The following RPS6KC1 variants were observed in gnomAD, a reference collection of about 807,000 sequenced individuals.
RPS6KC1 encodes the protein ribosomal protein S6 kinase C1.
A neutral mutation model predicts 103.8 loss-of-function variants in RPS6KC1; 54 were observed. That is an observed-to-expected ratio of 0.52 (90% confidence interval 0.42 to 0.65). RPS6KC1 has a LOEUF of 0.65. Ranked by LOEUF, RPS6KC1 falls within the 30% of genes least tolerant of loss-of-function variation. The pLI is 0.00. For missense variants in RPS6KC1, 1,151 were observed against 1,253.8 expected (o/e 0.92, Z 1.24); for synonymous variants, 439 against 438.7 (o/e 1.00, Z -0.01).
the RPS6KC1 span, among the ~76,000 whole-genome samples, chr1:213,709,261 T>A: frequency 1.3e-5 from 2 of 152,236 alleles, no homozygotes; most frequent in African/African-American, 2.4e-5. Flanking sequence ...ATTCGACTTC[T>A]TCCTGGTTTA....
At chr1:213,397,588 T>TACACACACACACACACACAC in the RPS6KC1 span, among the ~76,000 whole-genome samples, 4 of 140,468 alleles carry the variant, frequency 2.8e-5, no homozygotes, top group East Asian at 2.1e-4. Context: ...CAGGAACACA[T>TACACACACACACACACACAC]ACACACACAC....
At chr1:213,056,418 A>G (rs2077334905) in intron 1 of RPS6KC1, among the ~76,000 whole-genome samples, 1 of 152,172 alleles carries the variant, frequency 6.6e-6, no homozygotes, top group African/African-American at 2.4e-5. Context: ...GTATTATAAA[A>G]CATTTTTCAT....
At chr1:213,639,057 C>T in the RPS6KC1 span, among the ~76,000 whole-genome samples, 2 of 151,956 alleles carry the variant, frequency 1.3e-5, no homozygotes, top group Admixed American at 6.6e-5. Context: ...CATATATACT[C>T]TGTATATGTT....
At chr1:213,597,231 T>A in the RPS6KC1 span, among the ~76,000 whole-genome samples, 1 of 152,238 alleles carries the variant, frequency 6.6e-6, no homozygotes, top group African/African-American at 2.4e-5. Context: ...CAGGTACATA[T>A]CCACCTATAC....
At chr1:213,759,745 G>A in the RPS6KC1 span, among the ~76,000 whole-genome samples, 2 of 152,322 alleles carry the variant, frequency 1.3e-5, no homozygotes, top group African/African-American at 4.8e-5. Flanking sequence ...GGGAGGCAAT[G>A]GTCCTTAGGA....
In RPS6KC1 at chr1:213,272,788, C is replaced by T; in HGVS notation, c.*154C>T. 2 of 580,544 alleles carry T rather than the reference C, an allele frequency of 3.4e-6. No individual in the cohort carries two copies. Among genetic ancestry groups the T allele is most frequent in the Admixed American group, 2.9e-5 (1 of 34,656 alleles). 36.0% of individuals were successfully genotyped at this position (580,544 alleles called of 1,614,324 possible). The stretch of plus-strand genomic sequence containing the variant: ...TGGGGGGGAAATGGCTAAAAGAGAA[C>T]AATTCGTTTACAATTACAAGATATT... On this transcript the variant is annotated 3_prime_UTR_variant, in exon 15 of 15. Coordinates refer to ENST00000366960, the MANE Select transcript of RPS6KC1 (RefSeq NM_012424.6).
At chr1:213,528,565 A>G in the RPS6KC1 span, among the ~76,000 whole-genome samples, 2 of 152,196 alleles carry the variant, frequency 1.3e-5, no homozygotes, top group South Asian at 2.1e-4. Flanking sequence ...CTGGGGAAAA[A>G]GAGTAGAAAG....
the RPS6KC1 span, among the ~76,000 whole-genome samples, chr1:213,833,898 T>G: frequency 6.6e-6 from 1 of 152,304 alleles, no homozygotes. Flanking sequence ...ACCACAGAAC[T>G]TATCTTTGAA....
At chr1:213,221,686 A>C (rs1289358205) in intron 8 of RPS6KC1, among the ~76,000 whole-genome samples, 10 of 152,192 alleles carry the variant, frequency 6.6e-5, no homozygotes, top group Admixed American at 6.5e-4. Context: ...GTATTTATTT[A>C]CCAGTTTAGT....
At chr1:213,399,541 C>T in the RPS6KC1 span, among the ~76,000 whole-genome samples, 2 of 152,180 alleles carry the variant, frequency 1.3e-5, no homozygotes, top group South Asian at 4.1e-4. Context: ...TCCCTGACTT[C>T]TCTGCTTGAG....
the RPS6KC1 span, among the ~76,000 whole-genome samples, chr1:213,451,598 G>A: frequency 1.3e-5 from 2 of 152,328 alleles, no homozygotes. Flanking sequence ...TGACTTTAAG[G>A]CCTGTTTTTC....
chr1:213,264,337 G>A (rs10779599), intron 14 of RPS6KC1, among the ~76,000 whole-genome samples: 68,380 of 151,874 alleles, frequency 0.45, 19,152 homozygotes, highest in Non-Finnish European at 0.62. Flanking sequence ...TCATTCTAAT[G>A]GAGAAAAAAA....
the RPS6KC1 span, among the ~76,000 whole-genome samples, chr1:213,364,147 CATAAACAA>C: frequency 6.6e-6 from 1 of 152,130 alleles, no homozygotes; most frequent in African/African-American, 2.4e-5. Context: ...ACAGAAAATA[CATAAACAA>C]ATGGATGTGG....
the RPS6KC1 span, among the ~76,000 whole-genome samples, chr1:213,432,211 T>C: frequency 1.3e-5 from 2 of 152,348 alleles, no homozygotes; most frequent in Admixed American, 1.3e-4. Context: ...ACTATTTACA[T>C]AGCAAATATC....
At chr1:213,080,368 A>G (rs1377459899) in intron 3 of RPS6KC1, among the ~76,000 whole-genome samples, 1 of 152,166 alleles carries the variant, frequency 6.6e-6, no homozygotes, top group Admixed American at 6.6e-5. Context: ...AAGTGTGGAC[A>G]ATATCATTTG....
the RPS6KC1 span, among the ~76,000 whole-genome samples, chr1:213,401,715 C>A: frequency 6.6e-6 from 1 of 152,116 alleles, no homozygotes; most frequent in African/African-American, 2.4e-5. Context: ...TGAGCTCTTA[C>A]CTTTGTATCA....
chr1:213,389,891 C>T, the RPS6KC1 span, among the ~76,000 whole-genome samples: 26 of 152,216 alleles, frequency 1.7e-4, no homozygotes, highest in East Asian at 4.8e-3. Context: ...ATACACAGAG[C>T]ATGCTTCTTC....
chr1:213,181,474 A>G (rs2092265358), intron 8 of RPS6KC1, among the ~76,000 whole-genome samples: 1 of 152,218 alleles, frequency 6.6e-6, no homozygotes, highest in Non-Finnish European at 1.5e-5. Flanking sequence ...TTCTGTAGCT[A>G]AAATATAATT....
At chr1:213,368,123 A>G in the RPS6KC1 span, among the ~76,000 whole-genome samples, 1 of 152,220 alleles carries the variant, frequency 6.6e-6, no homozygotes, top group Non-Finnish European at 1.5e-5. Flanking sequence ...GCCTCCTCCT[A>G]CATAATTCTC....
Sources: gnomAD v4.1 joint callset for allele counts (sites outside exome capture counted in the v4.1 genomes callset) on GRCh38, gnomAD v4.1.1 for gene constraint, MANE v1.5 for transcripts, NCBI Gene and HGNC (gene_info 2026-07-23, HGNC 2026-07-21) for gene names.